QTMAN: variants seen among roughly 807,000 people sequenced by gnomAD.
The protein encoded by QTMAN is tRNA-queuosine alpha-mannosyltransferase.
chr2:144,125,264 TG>T, the QTMAN span, among the ~76,000 whole-genome samples: 1 of 152,018 alleles, frequency 6.6e-6, no homozygotes, highest in Non-Finnish European at 1.5e-5. Context: ...AAGTCTCAAC[TG>T]GAACACTGAG....
the QTMAN span, among the ~76,000 whole-genome samples, chr2:144,270,995 C>A: frequency 1.2e-4 from 18 of 152,144 alleles, no homozygotes; most frequent in Non-Finnish European, 2.4e-4. Flanking sequence ...GGTTCACTTT[C>A]TCTAAGTAAA....
the QTMAN span, among the ~76,000 whole-genome samples, chr2:144,181,224 A>C: frequency 6.6e-6 from 1 of 152,224 alleles, no homozygotes; most frequent in Admixed American, 6.5e-5. Flanking sequence ...GTGAAGTCAG[A>C]AAAATATGTG....
the QTMAN span, among the ~76,000 whole-genome samples, chr2:143,978,808 T>C: frequency 3.7e-4 from 57 of 152,344 alleles, no homozygotes; most frequent in African/African-American, 1.3e-3. Flanking sequence ...TTGTCAAATG[T>C]GGTAATTGGG....
chr2:144,042,365 C>T, the QTMAN span, among the ~76,000 whole-genome samples: 10,422 of 151,864 alleles, frequency 0.069, 1,199 homozygotes, highest in African/African-American at 0.24. Context: ...AAACTAGTAG[C>T]GTCACTGACA....
the QTMAN span, among the ~76,000 whole-genome samples, chr2:144,017,735 TA>T: frequency 6.6e-6 from 1 of 152,208 alleles, no homozygotes; most frequent in African/African-American, 2.4e-5. Flanking sequence ...TTATTTTTTA[TA>T]TTGATAATAG....
At chr2:144,022,332 C>T in the QTMAN span, among the ~76,000 whole-genome samples, 5 of 151,386 alleles carry the variant, frequency 3.3e-5, no homozygotes, top group East Asian at 1.9e-4. Flanking sequence ...CTCTGTTGCC[C>T]GGGCTGGAGT....
chr2:144,291,083 T>C, the QTMAN span, among the ~76,000 whole-genome samples: 2 of 152,200 alleles, frequency 1.3e-5, no homozygotes, highest in Admixed American at 6.5e-5. Flanking sequence ...TACTGTTCTC[T>C]AGTTAATCTT....
chr2:143,954,256 G>C, the QTMAN span, among the ~76,000 whole-genome samples: 3 of 151,928 alleles, frequency 2.0e-5, no homozygotes, highest in Non-Finnish European at 2.9e-5. Flanking sequence ...TTTATCTAAA[G>C]ACATTCAGTT....
the QTMAN span, among the ~76,000 whole-genome samples, chr2:144,285,166 C>T: frequency 1.3e-5 from 2 of 151,892 alleles, no homozygotes; most frequent in Non-Finnish European, 2.9e-5. Flanking sequence ...ATATAATGTA[C>T]CTTTCAAAAT....
At chr2:144,028,341 C>T in the QTMAN span, among the ~76,000 whole-genome samples, 1 of 152,118 alleles carries the variant, frequency 6.6e-6, no homozygotes, top group Non-Finnish European at 1.5e-5. Context: ...GAAAGTGAAC[C>T]TAGAGAGTTA....
At chr2:144,180,648 T>TAAA in the QTMAN span, among the ~76,000 whole-genome samples, 1 of 152,210 alleles carries the variant, frequency 6.6e-6, no homozygotes, top group South Asian at 2.1e-4. Context: ...TTCACATTTT[T>TAAA]AAAAAACTGC....
At chr2:144,205,843 T>G in the QTMAN span, among the ~76,000 whole-genome samples, 30 of 152,210 alleles carry the variant, frequency 2.0e-4, no homozygotes, top group Non-Finnish European at 4.4e-4. Flanking sequence ...GTTAATGCCT[T>G]CCCTCAAGCT....
chr2:144,255,286 T>C, the QTMAN span, among the ~76,000 whole-genome samples: 3 of 152,134 alleles, frequency 2.0e-5, no homozygotes, highest in Non-Finnish European at 2.9e-5. Context: ...TGGGAGGTAA[T>C]TGAATCATGA....
the QTMAN span, among the ~76,000 whole-genome samples, chr2:144,029,274 T>G: frequency 6.6e-6 from 1 of 152,230 alleles, no homozygotes; most frequent in Admixed American, 6.5e-5. Context: ...GCTGATGTTT[T>G]GGGTTATCAT....
chr2:144,238,671 C>G, the QTMAN span, among the ~76,000 whole-genome samples: 1 of 152,110 alleles, frequency 6.6e-6, no homozygotes, highest in East Asian at 1.9e-4. Context: ...TCTGGTTTCT[C>G]CCTTTCTTCT....
chr2:144,179,444 C>A, the QTMAN span, among the ~76,000 whole-genome samples: 1 of 152,142 alleles, frequency 6.6e-6, no homozygotes. Flanking sequence ...CAGATATTTT[C>A]ATGTTCAACC....
At chr2:144,275,755 C>T in the QTMAN span, among the ~76,000 whole-genome samples, 5 of 151,578 alleles carry the variant, frequency 3.3e-5, no homozygotes, top group Admixed American at 2.0e-4. Flanking sequence ...TTCCAATTCA[C>T]GTATCTACAC....
chr2:144,152,897 C>T, the QTMAN span, among the ~76,000 whole-genome samples: 3 of 152,142 alleles, frequency 2.0e-5, no homozygotes, highest in Admixed American at 2.0e-4. Flanking sequence ...AGAAATGTCA[C>T]AAAGCAGTGT....
the QTMAN span, among the ~76,000 whole-genome samples, chr2:144,282,356 ATAT>A: frequency 1.3e-5 from 2 of 149,510 alleles, no homozygotes; most frequent in Admixed American, 1.3e-4. Context: ...TATTGGTGAA[ATAT>A]TATATATTTC....
Sources: allele counts gnomAD v4.1 joint callset (sites outside exome capture counted in the v4.1 genomes callset), GRCh38; gene constraint gnomAD v4.1.1; transcripts MANE v1.5; gene names NCBI Gene and HGNC (gene_info 2026-07-23, HGNC 2026-07-21).